Variants in MIER1 observed in about 807,000 individuals in gnomAD.
MIER1 encodes mesoderm induction early response protein 1.
MIER1 carries 40 observed loss-of-function variants against 75.7 expected under a neutral mutation model. The ratio of observed to expected loss-of-function variants is 0.53; its 90% confidence interval spans 0.41 to 0.69. MIER1 has a LOEUF of 0.69. MIER1 is among the 30% of genes least tolerant of loss of function. The pLI is 0.00. For missense variants in MIER1, 574 were observed against 680.2 expected (o/e 0.84, Z 1.74); for synonymous variants, 213 against 223.4 (o/e 0.95, Z 0.42).
At chr1:66,984,263 T>C (rs967253106) in intron 13 of MIER1, among the ~76,000 whole-genome samples, 2 of 152,232 alleles carry the variant, frequency 1.3e-5, no homozygotes, top group Non-Finnish European at 2.9e-5. Context: ...CACATATACC[T>C]AATATGCTTT....
In MIER1 at chr1:66,925,039, C is replaced by T; in HGVS notation, c.11C>T (p.Ala4Val). MDG[A>V]SSGGGGSSEG... ...CCCGGCTGCAGGCGGATGGATGGGG[C>T]TTCTTCAGGCGGTGGCGGCAGCAGC... The change falls in exon 1 of 14, where the codon GCT becomes GTT. Residue 4 changes from alanine to valine, a missense_variant. Physicochemically the swap from Ala to Val is moderately conservative, Grantham distance 64. This residue lies in a region of MIER1 where 309 missense variants were observed against 352.8 expected (regional missense o/e 0.88). Coordinates refer to ENST00000401041, the MANE Select transcript of MIER1 (RefSeq NM_001077700.3). 6.5e-7 allele frequency: 1 copy of T among 1,549,270 alleles called. No homozygotes were observed.
chr1:66,927,371 T>C (rs1419732479), intron 2 of MIER1, among the ~76,000 whole-genome samples: 5 of 152,120 alleles, frequency 3.3e-5, no homozygotes, highest in African/African-American at 2.4e-5. Flanking sequence ...CAGCACACTT[T>C]TTTAGTTTAA....
At chr1:66,953,596 CTTTTTTT>C (rs56012776) in intron 4 of MIER1, among the ~76,000 whole-genome samples, 1 of 134,672 alleles carries the variant, frequency 7.4e-6, no homozygotes, top group Non-Finnish European at 1.6e-5. Flanking sequence ...TTTTCTTTTC[CTTTTTTT>C]TTTTTTTTTA....
chr1:66,941,961 T>G (rs1360898333), intron 3 of MIER1, among the ~76,000 whole-genome samples: 2 of 109,598 alleles, frequency 1.8e-5, no homozygotes. Context: ...AGAGCGAGAC[T>G]CCTTCTCTCA....
chr1:66,925,420 C>T, intron 1 of MIER1: 1 of 985,442 alleles, frequency 1.0e-6, no homozygotes, highest in Non-Finnish European at 1.2e-6. Flanking sequence ...GTCCCTGATC[C>T]CAGTCGGGGT....
At chr1:66,935,397 C>CT (rs1417158018) in intron 2 of MIER1, among the ~76,000 whole-genome samples, 2 of 152,026 alleles carry the variant, frequency 1.3e-5, no homozygotes, top group South Asian at 2.1e-4. Flanking sequence ...TGTGTACAGT[C>CT]TTTCTGTCTC....
chr1:66,957,446 G>T (rs1660360306), intron 4 of MIER1, among the ~76,000 whole-genome samples: 1 of 152,080 alleles, frequency 6.6e-6, no homozygotes, highest in Non-Finnish European at 1.5e-5. Flanking sequence ...CTATGAAATG[G>T]AAATAATATA....
At chr1:66,953,348 A>T (rs559324509) in intron 4 of MIER1, among the ~76,000 whole-genome samples, 1 of 152,324 alleles carries the variant, frequency 6.6e-6, no homozygotes, top group South Asian at 2.1e-4. Context: ...ATGCTATTGC[A>T]ATTTGAAACA....
chr1:66,972,241 T>TATATATATATATATATATATACTAC (rs1558100063), intron 10 of MIER1, among the ~76,000 whole-genome samples: 1 of 68,994 alleles, frequency 1.4e-5, no homozygotes, highest in African/African-American at 1.0e-4. Flanking sequence ...ACTACATATA[T>TATATATATATATATATATATACTAC]ATATATATAT....
intron 13 of MIER1, 21 bp downstream of exon 13, chr1:66,981,939 TTC>T (rs1665970726): frequency 6.2e-7 from 1 of 1,611,264 alleles, no homozygotes; most frequent in African/African-American, 1.3e-5. Context: ...AGAGAAACAT[TTC>T]TCTTTCTTCA....
chr1:66,974,903 C>A (rs1049782749), intron 11 of MIER1, among the ~76,000 whole-genome samples: 13 of 152,196 alleles, frequency 8.5e-5, no homozygotes, highest in Admixed American at 7.2e-4. Flanking sequence ...TTGCATGCCC[C>A]AAAATGACTT....
intron 1 of MIER1, 105 bp from the exon 2 acceptor site, chr1:66,926,037 C>G (rs1651669464): frequency 1.2e-6 from 1 of 818,022 alleles, no homozygotes; most frequent in Non-Finnish European, 2.0e-6. Flanking sequence ...GGATCCTTGT[C>G]CTGATTCCCG....
At chr1:66,940,678 A>G (rs1044536963) in intron 3 of MIER1, among the ~76,000 whole-genome samples, 10 of 152,204 alleles carry the variant, frequency 6.6e-5, no homozygotes, top group African/African-American at 2.4e-4. Flanking sequence ...GATCTGTGCC[A>G]CAAATTTTTG....
At chr1:66,950,749 T>C (rs4655662) in intron 4 of MIER1, among the ~76,000 whole-genome samples, 88,174 of 152,008 alleles carry the variant, frequency 0.58, 27,759 homozygotes, top group East Asian at 0.84. Context: ...AGTGTGAGGA[T>C]TATAAAGAAG....
chr1:66,928,844 C>A, intron 2 of MIER1: 1 of 1,353,564 alleles, frequency 7.4e-7, no homozygotes, highest in Non-Finnish European at 1.0e-6. Context: ...ATTTGGGAAC[C>A]TTAAAGTTTT....
In MIER1 at chr1:66,988,351, A is replaced by C. The variant is rs781095923; in HGVS notation, c.*3451A>C. 7 of 152,090 alleles carry C rather than the reference A, an allele frequency of 4.6e-5. No homozygotes were observed. The highest frequency in any genetic ancestry group is 2.0e-4 in the Admixed American group (3 of 15,268). The allele number at this position is 152,090 out of a possible 1,614,324, so 9.4% of individuals were successfully genotyped here. A position where few individuals can be genotyped will look rare whatever the true frequency, so the allele number is the denominator to read the frequency against. On this transcript the variant is annotated 3_prime_UTR_variant, in exon 14 of 14. Coordinates refer to ENST00000401041, the MANE Select transcript of MIER1 (RefSeq NM_001077700.3). The stretch of plus-strand genomic sequence containing the variant: ...AACTCTCTTCTTTAATATCAAGTTC[A>C]TCCTTTGCAGAATCTTAAAGGGTTT...
chr1:66,932,115 T>G (rs531328685), intron 2 of MIER1, among the ~76,000 whole-genome samples: 90 of 152,184 alleles, frequency 5.9e-4, no homozygotes, highest in Non-Finnish European at 8.4e-4. Flanking sequence ...GTAAAAGAAA[T>G]TATGTTAACT....
intron 12 of MIER1, 88 bp downstream of exon 12, chr1:66,976,810 CT>C: frequency 8.4e-7 from 1 of 1,193,260 alleles, no homozygotes; most frequent in South Asian, 1.9e-5. Flanking sequence ...TTTTGATAAT[CT>C]TGCTTTTATA....
At chr1:66,928,393 TAAGC>T (rs1240745850) in intron 2 of MIER1, among the ~76,000 whole-genome samples, 3 of 152,196 alleles carry the variant, frequency 2.0e-5, no homozygotes, top group African/African-American at 7.2e-5. Flanking sequence ...TCAGTGTACT[TAAGC>T]AAGTTATTTC....
Sources: allele counts gnomAD v4.1 joint callset (sites outside exome capture counted in the v4.1 genomes callset), GRCh38; gene constraint gnomAD v4.1.1; regional missense constraint gnomAD v4.1.1; transcripts MANE v1.5; gene names NCBI Gene and HGNC (gene_info 2026-07-23, HGNC 2026-07-21).